The following ANKRD28 variants were observed in gnomAD, a reference collection of about 807,000 sequenced individuals.
ANKRD28 encodes ankyrin repeat domain 28, also known as serine/threonine-protein phosphatase 6 regulatory ankyrin repeat subunit A.
Under a neutral mutation model 126.5 loss-of-function variants are expected in ANKRD28, and 44 were observed. The observed-to-expected ratio is 0.35, with a 90% CI of 0.27 to 0.45. The LOEUF is 0.45. Ranked by LOEUF, ANKRD28 falls within the 20% of genes least tolerant of loss-of-function variation. The probability of loss-of-function intolerance (pLI) is 1.00; values close to 1 mark genes in which losing one functional copy is unlikely to be tolerated. For synonymous variants in ANKRD28, 442 were observed against 468.5 expected, an observed-to-expected ratio of 0.94 and a Z score of 0.73; for missense variants, 1,110 against 1,316.6, an observed-to-expected ratio of 0.84 and a Z score of 2.43.
intron 21 of ANKRD28, 39 bp downstream of exon 21, chr3:15,685,187 C>A: frequency 6.3e-7 from 1 of 1,591,730 alleles, no homozygotes; most frequent in South Asian, 1.1e-5. Context: ...TATCTCTGTT[C>A]ACTACACAAT....
At chr3:15,688,151 T>A (rs1297626464) in intron 18 of ANKRD28, among the ~76,000 whole-genome samples, 1 of 152,242 alleles carries the variant, frequency 6.6e-6, no homozygotes, top group Non-Finnish European at 1.5e-5. Context: ...GTTCAATATT[T>A]ACCTATTGAG....
intron 6 of ANKRD28, among the ~76,000 whole-genome samples, chr3:15,730,965 C>T (rs2074549431): frequency 6.6e-6 from 1 of 152,150 alleles, no homozygotes; most frequent in Non-Finnish European, 1.5e-5. Context: ...GAGTTTGACT[C>T]CCCACAATGT....
chr3:15,813,280 C>T (rs945310287), intron 1 of ANKRD28, among the ~76,000 whole-genome samples: 10 of 152,072 alleles, frequency 6.6e-5, no homozygotes, highest in South Asian at 2.1e-4. Flanking sequence ...GTGGGATGAT[C>T]GCTTGAGCCC....
At chr3:15,692,046 G>C (rs549049758) in intron 17 of ANKRD28, among the ~76,000 whole-genome samples, 2 of 151,724 alleles carry the variant, frequency 1.3e-5, no homozygotes. Context: ...AGGCTGAGGC[G>C]GAAGTATCAC....
Position 15,766,394 on chromosome 3 carries a change from C to T in ANKRD28, c.202-82G>A, listed in dbSNP as rs77975692. ...TAGTTTTAATAACCACAACAACAACCCCTCCCCCCACCAAACCATTATTAA... is the reference window on the plus strand; with the variant it reads ...TAGTTTTAATAACCACAACAACAACTCCTCCCCCCACCAAACCATTATTAA... On this transcript the variant is annotated intron_variant, in intron 2 of 27. Coordinates refer to ENST00000683139, the MANE Select transcript of ANKRD28 (RefSeq NM_001349278.2). The T allele has an allele frequency of 7.4e-5, 71 of 961,690 alleles. No homozygotes were observed. In the East Asian group the frequency reaches 1.4e-3, roughly 20 times the overall value. The allele number at this position is 961,690 out of a possible 1,614,324, so 59.6% of individuals were successfully genotyped here.
chr3:15,756,602 T>A (rs979691061), intron 3 of ANKRD28: 1 of 678,768 alleles, frequency 1.5e-6, no homozygotes. Context: ...GATCTCATAA[T>A]GGCTGTATAA....
chr3:15,737,858 C>G (rs891730693), intron 4 of ANKRD28, among the ~76,000 whole-genome samples: 8 of 150,196 alleles, frequency 5.3e-5, no homozygotes, highest in African/African-American at 1.7e-4. Flanking sequence ...ATTATACATG[C>G]TATATTTGAC....
intron 2 of ANKRD28, among the ~76,000 whole-genome samples, chr3:15,778,715 A>T (rs1475123439): frequency 6.6e-6 from 1 of 152,208 alleles, no homozygotes; most frequent in Non-Finnish European, 1.5e-5. Context: ...ACTTACCTAG[A>T]GTCAGCTTTG....
intron 14 of ANKRD28, among the ~76,000 whole-genome samples, chr3:15,704,491 C>T (rs1335731591): frequency 6.6e-6 from 1 of 152,016 alleles, no homozygotes; most frequent in Non-Finnish European, 1.5e-5. Context: ...GTGATGCTGA[C>T]AGGGGATTTT....
At chr3:15,728,447 C>A (rs1266554586) in intron 6 of ANKRD28, among the ~76,000 whole-genome samples, 2 of 152,134 alleles carry the variant, frequency 1.3e-5, no homozygotes, top group African/African-American at 4.8e-5. Context: ...ATGCATGCCA[C>A]CACACTGGGC....
chr3:15,712,833 T>C (rs1186795228), intron 10 of ANKRD28, among the ~76,000 whole-genome samples: 3 of 152,224 alleles, frequency 2.0e-5, no homozygotes, highest in African/African-American at 7.2e-5. Context: ...TCTAGATGGC[T>C]AAATTAATAA....
At chr3:15,822,878 T>G (rs1242668830) in intron 1 of ANKRD28, among the ~76,000 whole-genome samples, 1 of 152,174 alleles carries the variant, frequency 6.6e-6, no homozygotes, top group East Asian at 1.9e-4. Flanking sequence ...TTAGCTAGAC[T>G]GACAAAAAGA....
rs931872249 is a variant in ANKRD28 at position 15,846,622 on chromosome 3, G to C, written c.27+12755C>G. 2.6e-5 allele frequency among the ~76,000 whole-genome samples: 4 copies of C among 152,214 alleles called. No individual in the cohort carries two copies. Among genetic ancestry groups the C allele is most frequent in the African/African-American group, 7.2e-5 (3 of 41,460 alleles). On this transcript the variant is annotated intron_variant, in intron 1 of 27. Transcript: ENST00000399451. This position sits in a 1 kb window ranked among gnomAD's most constrained non-coding sequence, Gnocchi z 5.4. ...AATCGAAAGAGCTCCACTGATTAAA[G>C]TAATAGTGGATGCTGTAATGGATAA...
chr3:15,792,519 C>G (rs988264339), intron 2 of ANKRD28, among the ~76,000 whole-genome samples: 59 of 151,972 alleles, frequency 3.9e-4, no homozygotes, highest in African/African-American at 1.4e-3. Flanking sequence ...AACATCAAAT[C>G]AACTGAATTC....
At chr3:15,707,836 AAAC>A in intron 14 of ANKRD28, 85 bp downstream of exon 14, 1 of 1,472,096 alleles carries the variant, frequency 6.8e-7, no homozygotes, top group Middle Eastern at 2.0e-4. Flanking sequence ...TACAAAGAGG[AAAC>A]ACAAATTTGC....
intron 2 of ANKRD28, among the ~76,000 whole-genome samples, chr3:15,784,941 C>T (rs2059707190): frequency 6.6e-6 from 1 of 151,944 alleles, no homozygotes; most frequent in South Asian, 2.1e-4. Context: ...TGAAGCCTTG[C>T]TACTTTCAAG....
At chr3:15,758,907 A>G (rs2058310234) in intron 3 of ANKRD28, among the ~76,000 whole-genome samples, 1 of 152,208 alleles carries the variant, frequency 6.6e-6, no homozygotes, top group Non-Finnish European at 1.5e-5. Context: ...TAAAAGGCCA[A>G]TCGAATGAAT....
At chr3:15,698,070 G>C (rs2069935205) in intron 14 of ANKRD28, among the ~76,000 whole-genome samples, 1 of 151,934 alleles carries the variant, frequency 6.6e-6, no homozygotes, top group East Asian at 1.9e-4. Flanking sequence ...TTTGAGCTCG[G>C]TGGTGATATT....
chr3:15,744,859 A>G (rs1404321568), intron 4 of ANKRD28, among the ~76,000 whole-genome samples: 1 of 152,150 alleles, frequency 6.6e-6, no homozygotes, highest in Non-Finnish European at 1.5e-5. Context: ...ATTCCCACCG[A>G]CAGTGTAAAA....
Sources: gnomAD v4.1 joint callset for allele counts (sites outside exome capture counted in the v4.1 genomes callset) on GRCh38, gnomAD v4.1.1 for gene constraint, Gnocchi (gnomAD v3.1) non-coding constraint, MANE v1.5 for transcripts, NCBI Gene and HGNC (gene_info 2026-07-23, HGNC 2026-07-21) for gene names.